EML1: variants seen among roughly 807,000 people sequenced by gnomAD.
EML1 encodes the protein echinoderm microtubule-associated protein-like 1.
Under a neutral mutation model 110.4 loss-of-function variants are expected in EML1, and 27 were observed. The observed-to-expected ratio is 0.24, with a 90% CI of 0.18 to 0.34. The LOEUF (loss-of-function observed/expected upper bound fraction) is 0.34. EML1 is among the 10% of genes least tolerant of loss of function. The pLI, the probability that EML1 is intolerant of heterozygous loss-of-function variation, is 1.00. For missense variants in EML1, 741 were observed against 1,030.9 expected (o/e 0.72, Z 3.85); for synonymous variants, 344 against 385.8 (o/e 0.89, Z 1.27).
chr14:99,753,144 C>T (rs2057195737), intron 1 of EML1, among the ~76,000 whole-genome samples: 1 of 151,174 alleles, frequency 6.6e-6, no homozygotes, highest in Admixed American at 6.6e-5. Context: ...AGGTTGATGC[C>T]TCATCCCGCA....
In EML1 at chr14:99,914,215, G is replaced by A. The variant is rs769115435; in HGVS notation, c.1531G>A (p.Glu511Lys). 9.3e-6 allele frequency: 15 copies of A among 1,613,936 alleles called. No homozygotes were observed. The highest frequency in any genetic ancestry group is 4.4e-5 in the South Asian group (4 of 91,068). ...GTTTGGTCCAATACGGACAGTGGCC[G>A]AGGGGAAAGGCGATGTGATCTTGAT... ...EQFGPIRTVA[E>K]GKGDVILIGT... Residue 511 changes from glutamate (E) to lysine (K), a missense_variant, in exon 14 of 22, where the codon GAG becomes AAG. Physicochemically the swap from Glu to Lys is moderately conservative, Grantham distance 56 (BLOSUM62 1). This residue lies in a region of EML1 where 388 missense variants were observed against 605.6 expected (regional missense o/e 0.64). Coordinates refer to ENST00000262233, the MANE Select transcript of EML1 (RefSeq NM_004434.3).
At chr14:99,890,003 T>C (rs1313634561) in intron 4 of EML1, among the ~76,000 whole-genome samples, 1 of 152,200 alleles carries the variant, frequency 6.6e-6, no homozygotes, top group Non-Finnish European at 1.5e-5. Context: ...ATCAAGAATA[T>C]TAATATAGAA....
chr14:99,849,916 C>T (rs894086905), intron 1 of EML1, among the ~76,000 whole-genome samples: 10 of 150,370 alleles, frequency 6.7e-5, no homozygotes, highest in Middle Eastern at 3.3e-3. Flanking sequence ...TTTGTTTTTG[C>T]GCCACTGCGC....
rs779922760 is a variant in EML1, at chr14:99,894,654, T to A, written c.573T>A (p.Leu191=). ...SAEEGYVKMF[L]RGRPVTMYMP... is the part of the protein sequence containing the mutation. ...AAGAAGGCTATGTAAAAATGTTTCTTCGTGGACGCCCTGTTACCATGTACA... is the reference window on the plus strand; with the variant it reads ...AAGAAGGCTATGTAAAAATGTTTCTACGTGGACGCCCTGTTACCATGTACA... Residue 191 remains leucine (L), a synonymous_variant, in exon 6 of 22, where the codon CTT becomes CTA. Coordinates refer to ENST00000262233, the MANE Select transcript of EML1 (RefSeq NM_004434.3). The A allele has an allele frequency of 1.2e-6, 2 of 1,612,968 alleles. No individual in the cohort carries two copies. Among genetic ancestry groups the A allele is most frequent in the Non-Finnish European group, 1.7e-6 (2 of 1,179,600 alleles).
rs2059965285 is a variant in EML1 at position 99,912,686 on chromosome 14, G to T, written c.1494+1110G>T. 2.0e-5 allele frequency among the ~76,000 whole-genome samples: 3 copies of T among 152,196 alleles called. No homozygotes were observed. In the South Asian group the frequency reaches 6.2e-4, roughly 31 times the overall value. ...CTTCCCCTTGCCTGGAGATTCTGTT[G>T]TGAGAACATTTTTAATAATAAGATT... On this transcript the variant is annotated intron_variant, in intron 13 of 21. Transcript: ENST00000262233.
intron 3 of EML1, among the ~76,000 whole-genome samples, chr14:99,873,221 T>C (rs1196381147): frequency 6.6e-6 from 1 of 152,108 alleles, no homozygotes; most frequent in Admixed American, 6.5e-5. Context: ...TGAACAGAGA[T>C]CAAAAGAACA....
At chr14:99,903,557 A>G (rs1230847373) in intron 9 of EML1, among the ~76,000 whole-genome samples, 1 of 152,200 alleles carries the variant, frequency 6.6e-6, no homozygotes, top group Non-Finnish European at 1.5e-5. Context: ...TAACAAGTAC[A>G]ACTATTAATA....
At chr14:99,933,983 T>C (rs532183320) in intron 17 of EML1, among the ~76,000 whole-genome samples, 4 of 152,176 alleles carry the variant, frequency 2.6e-5, no homozygotes, top group Admixed American at 2.6e-4. Context: ...TAATCCCAGC[T>C]ACTTGGGAGG....
At position 99,827,918 on chromosome 14, in the gene EML1, G is replaced by T. The variant is rs895326118; in HGVS notation, c.68-22935G>T. 6.6e-6 allele frequency among the ~76,000 whole-genome samples: 1 copy of T among 152,162 alleles called. No homozygotes were observed. Among genetic ancestry groups the T allele is most frequent in the African/African-American group, 2.4e-5 (1 of 41,436 alleles). ...GTGTCTGGGTGCAGTAGATGCGATG[G>T]TTGGTGTATAATATGAACACTGTCT... On this transcript the variant is annotated intron_variant, in intron 1 of 21. Transcript: ENST00000262233. This position sits in a 1 kb window ranked among gnomAD's most constrained non-coding sequence, Gnocchi z 4.4.
intron 6 of EML1, among the ~76,000 whole-genome samples, chr14:99,896,427 C>T (rs1448755746): frequency 6.6e-6 from 1 of 152,002 alleles, no homozygotes; most frequent in Non-Finnish European, 1.5e-5. Context: ...TATCTTGATA[C>T]ATGAAATTGA....
rs115421718 is a variant in EML1, at chr14:99,797,008, G to A, written c.67+3465G>A. Among the ~76,000 whole-genome samples the A allele has an allele frequency of 4.7e-3, 717 of 152,098 alleles. 10 individuals are homozygous for A. The highest frequency in any genetic ancestry group is 0.017 in the African/African-American group (692 of 41,490). The stretch of plus-strand genomic sequence containing the variant: ...GTTTTTAAAGTGTACCATTAAGTGC[G>A]TGTAGTATATTCACAGAATTGTCCA... On this transcript the variant is annotated intron_variant, in intron 1 of 21. Transcript: ENST00000262233.
intron 1 of EML1, among the ~76,000 whole-genome samples, chr14:99,814,396 A>G (rs549460598): frequency 2.8e-4 from 42 of 152,076 alleles, no homozygotes; most frequent in Non-Finnish European, 5.3e-4. Flanking sequence ...ACAAGTAGCT[A>G]GACTACAAAT....
chr14:99,904,578 C>T (rs966542084), intron 9 of EML1, among the ~76,000 whole-genome samples: 7 of 152,134 alleles, frequency 4.6e-5, no homozygotes, highest in African/African-American at 1.4e-4. Flanking sequence ...TTAATCAAAG[C>T]TCTTTCATAT....
At chr14:99,789,125 G>A (rs1595281332), upstream of EML1, among the ~76,000 whole-genome samples, 1 of 152,268 alleles carries the variant, frequency 6.6e-6, no homozygotes, top group Non-Finnish European at 1.5e-5. Context: ...GAACATGGGT[G>A]TATGAATATC....
chr14:99,757,032 T>C (rs561245356), intron 1 of EML1, among the ~76,000 whole-genome samples: 298 of 152,298 alleles, frequency 2.0e-3, no homozygotes, highest in African/African-American at 6.7e-3. Context: ...AACGAACATA[T>C]GGAGCTGCTG....
At chr14:99,830,037 A>G (rs538611477) in intron 1 of EML1, among the ~76,000 whole-genome samples, 2 of 152,254 alleles carry the variant, frequency 1.3e-5, no homozygotes, top group East Asian at 1.9e-4. Flanking sequence ...TCATATGGTG[A>G]TCCTACGTTT....
chr14:99,851,970 G>A (rs891564605), intron 2 of EML1, among the ~76,000 whole-genome samples: 1 of 152,148 alleles, frequency 6.6e-6, no homozygotes, highest in African/African-American at 2.4e-5. Context: ...ACCTGCTACA[G>A]AGCTCTGTCC....
intron 2 of EML1, among the ~76,000 whole-genome samples, chr14:99,855,667 C>T (rs557400685): frequency 6.6e-6 from 1 of 152,214 alleles, no homozygotes; most frequent in South Asian, 2.1e-4. Flanking sequence ...AGGCAGCTTC[C>T]CTTTTAAAGT....
At chr14:99,903,618 C>T (rs1467871393) in intron 9 of EML1, among the ~76,000 whole-genome samples, 1 of 152,108 alleles carries the variant, frequency 6.6e-6, no homozygotes, top group African/African-American at 2.4e-5. Flanking sequence ...AATTTTGGAA[C>T]ACATGCCAGT....
Sources: gnomAD v4.1 joint callset for allele counts (sites outside exome capture counted in the v4.1 genomes callset) on GRCh38, gnomAD v4.1.1 for gene constraint, gnomAD v4.1.1 regional missense constraint, Gnocchi (gnomAD v3.1) non-coding constraint, MANE v1.5 for transcripts, NCBI Gene and HGNC (gene_info 2026-07-23, HGNC 2026-07-21) for gene names.